Variants in RBPJ observed in about 807,000 individuals in gnomAD.
RBPJ encodes recombination signal binding protein for immunoglobulin kappa J region.
In RBPJ, 9 loss-of-function variants were observed where a neutral mutation model predicts 67.8. That is an observed-to-expected ratio of 0.13 (90% CI 0.08 to 0.23). The LOEUF is 0.23. Ranked by LOEUF, RBPJ falls within the 10% of genes least tolerant of loss-of-function variation. The pLI, the probability that RBPJ is intolerant of heterozygous loss-of-function variation, is 1.00. For synonymous variants in RBPJ, 198 were observed against 203.3 expected (o/e 0.97, Z 0.22); for missense variants, 305 against 595.6 (o/e 0.51, Z 5.08).
At chr4:26,168,166 C>T (rs1318958959) in intron 1 of RBPJ, among the ~76,000 whole-genome samples, 1 of 152,002 alleles carries the variant, frequency 6.6e-6, no homozygotes, top group Non-Finnish European at 1.5e-5. Context: ...TCTTCCTAGT[C>T]TCGATGGTCT....
intron 1 of RBPJ, among the ~76,000 whole-genome samples, chr4:26,208,109 A>G (rs1718234236): frequency 6.6e-6 from 1 of 152,254 alleles, no homozygotes; most frequent in South Asian, 2.1e-4. Context: ...GCGCAACAGA[A>G]TAATAGCAAC....
chr4:26,382,973 A>G (rs963371169), intron 1 of RBPJ, among the ~76,000 whole-genome samples: 1 of 152,244 alleles, frequency 6.6e-6, no homozygotes, highest in East Asian at 1.9e-4. Context: ...GTGATTGCAT[A>G]TGCATTAGAA....
chr4:26,238,514 T>C (rs981839361), intron 1 of RBPJ, among the ~76,000 whole-genome samples: 8 of 152,134 alleles, frequency 5.3e-5, no homozygotes, highest in African/African-American at 1.9e-4. Context: ...TACAAGAGTT[T>C]TATAGTTGTA....
chr4:26,305,695 T>C (rs1212206020), intron 1 of RBPJ, among the ~76,000 whole-genome samples: 2 of 151,822 alleles, frequency 1.3e-5, no homozygotes, highest in African/African-American at 2.4e-5. Flanking sequence ...TAATCTTGTA[T>C]TCTCCAACTT....
intron 1 of RBPJ, among the ~76,000 whole-genome samples, chr4:26,331,773 A>G (rs1457291976): frequency 6.6e-6 from 1 of 152,182 alleles, no homozygotes; most frequent in East Asian, 1.9e-4. Flanking sequence ...GGCTTACTCC[A>G]GTCTCTGCCT....
At chr4:26,330,308 A>G (rs1014050861) in intron 1 of RBPJ, among the ~76,000 whole-genome samples, 3 of 152,202 alleles carry the variant, frequency 2.0e-5, no homozygotes, top group Non-Finnish European at 4.4e-5. Flanking sequence ...ATTGTGGAGC[A>G]CCTACCATCT....
At chr4:26,254,748 G>A (rs1720234204) in intron 1 of RBPJ, among the ~76,000 whole-genome samples, 1 of 144,702 alleles carries the variant, frequency 6.9e-6, no homozygotes, top group African/African-American at 2.8e-5. Flanking sequence ...TGCAATCTCG[G>A]CTCACTGCAG....
intron 2 of RBPJ, among the ~76,000 whole-genome samples, chr4:26,401,886 T>C (rs1468834895): frequency 1.3e-5 from 2 of 148,850 alleles, no homozygotes; most frequent in African/African-American, 5.0e-5. Context: ...TTTCTTTCTT[T>C]CTTTTTTTTT....
chr4:26,229,187 C>T (rs1719190373), intron 1 of RBPJ, among the ~76,000 whole-genome samples: 1 of 152,116 alleles, frequency 6.6e-6, no homozygotes, highest in Non-Finnish European at 1.5e-5. Context: ...TCTTCTTTTT[C>T]CTTTTGGGTA....
chr4:26,318,336 T>C (rs1722732480), upstream of RBPJ, among the ~76,000 whole-genome samples: 3 of 152,118 alleles, frequency 2.0e-5, no homozygotes, highest in South Asian at 6.2e-4. Context: ...ATCTGAAACG[T>C]GGCTGATTGA....
chr4:26,271,036 T>C (rs898711976), intron 1 of RBPJ, among the ~76,000 whole-genome samples: 1 of 137,982 alleles, frequency 7.2e-6, no homozygotes, highest in African/African-American at 3.5e-5. Context: ...TATTTTGTTA[T>C]TAATTATTGT....
In RBPJ at chr4:26,406,175, G is replaced by C; in HGVS notation, c.60G>C (p.Arg20Ser). The C allele has an allele frequency of 6.2e-7, 1 of 1,600,792 alleles. No homozygotes were observed. Residue 20 changes from arginine to serine, a missense_variant and splice_region_variant, in exon 3 of 11, where the codon AGG (arginine) becomes AGC (serine). Physicochemically the swap from Arg to Ser is moderately radical, Grantham distance 110. Around this residue, in one of 7 missense-constraint regions of RBPJ, gnomAD observed 42 missense variants for 43.6 expected, o/e 0.96. Transcript: ENST00000355476. ...CAGTAATATTTGTATTTGTTTTTAG[G>C]GAAGCTATGCGAAATTATTTAAAAG... ...GERPPPKRLT[R>S]EAMRNYLKER... is the part of the protein sequence containing the mutation.
At position 26,322,656 on chromosome 4, in the gene RBPJ, G is replaced by A. The variant is rs576927727; in HGVS notation, c.20+1608G>A. Among the ~76,000 whole-genome samples, 123 of 123,924 alleles carry A rather than the reference G, an allele frequency of 9.9e-4. 1 individual carries two copies. The Middle Eastern group carries it at 0.021, about 21-fold the overall frequency. The allele number at this position is 123,924 out of a possible 152,430, so 81.3% of individuals were successfully genotyped here. ...CAGTTAAAAAGTATACGTATAATAT[G>A]TATATTATATATATATATACACACA... On this transcript the variant is annotated intron_variant, in intron 1 of 10. Transcript: ENST00000355476.
chr4:26,418,089 A>G (rs1319407043), intron 4 of RBPJ, among the ~76,000 whole-genome samples: 1 of 152,092 alleles, frequency 6.6e-6, no homozygotes, highest in East Asian at 1.9e-4. Context: ...AACATCATAT[A>G]CTCTTGGTAA....
intron 1 of RBPJ, among the ~76,000 whole-genome samples, chr4:26,235,352 A>G (rs1019960069): frequency 1.3e-5 from 2 of 152,228 alleles, no homozygotes; most frequent in Non-Finnish European, 2.9e-5. Flanking sequence ...TAGCTATGTG[A>G]CCTAAATAAG....
chr4:26,299,468 C>T (rs930707891), intron 1 of RBPJ, among the ~76,000 whole-genome samples: 2 of 152,118 alleles, frequency 1.3e-5, no homozygotes, highest in African/African-American at 2.4e-5. Flanking sequence ...AGTTTTCATA[C>T]ACCATTCTGA....
chr4:26,214,982 A>AGGAC (rs1718625838), intron 1 of RBPJ, among the ~76,000 whole-genome samples: 10 of 33,254 alleles, frequency 3.0e-4, no homozygotes, highest in Non-Finnish European at 3.6e-4. Context: ...GAGGGAAGGA[A>AGGAC]GGAGGGAGGG....
chr4:26,384,602 A>G (rs936372529), intron 1 of RBPJ: 1 of 152,204 alleles, frequency 6.6e-6, no homozygotes, highest in Non-Finnish European at 1.5e-5. Context: ...TTCAGAGGAA[A>G]TAACAGGTTA....
chr4:26,150,352 AG>A, the RBPJ span, among the ~76,000 whole-genome samples: 1 of 152,232 alleles, frequency 6.6e-6, no homozygotes, highest in Admixed American at 6.5e-5. Flanking sequence ...ACTTCAGGGC[AG>A]AGTCACAGTG....
Sources: gnomAD v4.1 joint callset for allele counts (sites outside exome capture counted in the v4.1 genomes callset) on GRCh38, gnomAD v4.1.1 for gene constraint, gnomAD v4.1.1 regional missense constraint, MANE v1.5 for transcripts, NCBI Gene and HGNC (gene_info 2026-07-23, HGNC 2026-07-21) for gene names.